DKKL1: variants seen among roughly 807,000 people sequenced by gnomAD.
The protein encoded by DKKL1 is dickkopf like acrosomal protein 1.
Under a neutral mutation model 16.5 loss-of-function variants are expected in DKKL1, and 11 were observed. That is an observed-to-expected ratio of 0.67 (90% CI 0.42 to 1.10). The LOEUF (loss-of-function observed/expected upper bound fraction) is 1.10, where lower values mean the gene tolerates loss of function less well. DKKL1 is among the 50% of genes least tolerant of loss of function. The pLI, the probability that DKKL1 is intolerant of heterozygous loss-of-function variation, is 0.00. For missense variants in DKKL1, 320 were observed against 308.1 expected, an observed-to-expected ratio of 1.04 and a Z score of -0.29; for synonymous variants, 119 against 133.2, an observed-to-expected ratio of 0.89 and a Z score of 0.73.
intron 2 of DKKL1, 60 bp from the exon 3 acceptor site, chr19:49,365,449 A>G: frequency 6.7e-7 from 1 of 1,496,638 alleles, no homozygotes; most frequent in Non-Finnish European, 8.9e-7. Flanking sequence ...GGGCTGCAGA[A>G]GGGGCTGTAC....
chr19:49,360,919 A>G (rs114161940), upstream of DKKL1, among the ~76,000 whole-genome samples: 2,108 of 87,530 alleles, frequency 0.024, 99 homozygotes, highest in African/African-American at 0.095. Flanking sequence ...CAGAGAGAGA[A>G]GGGGACAGAG....
Position 49,372,387 on chromosome 19 carries a change from C to T in DKKL1, c.418-2330C>T, listed in dbSNP as rs146372950. Among the ~76,000 whole-genome samples, 570 of 151,754 alleles carry T rather than the reference C, an allele frequency of 3.8e-3. 2 individuals are homozygous for T. The highest frequency in any genetic ancestry group is 0.014 in the Middle Eastern group (4 of 292). Reference sequence around the variant, plus strand: ...CAGCCTGGCTAACGTAGCGAAACCCCGTCTACTAAAAATACAAAATATGGG... The same window carrying T: ...CAGCCTGGCTAACGTAGCGAAACCCTGTCTACTAAAAATACAAAATATGGG... On this transcript the variant is annotated intron_variant, in intron 4 of 4. Coordinates refer to ENST00000221498, the MANE Select transcript of DKKL1 (RefSeq NM_014419.4).
chr19:49,370,092 G>A (rs1159573331), intron 4 of DKKL1: 1 of 152,220 alleles, frequency 6.6e-6, no homozygotes, highest in Non-Finnish European at 1.5e-5. Flanking sequence ...AGCAACTCAG[G>A]CAAGTGTTCA....
At chr19:49,363,662 T>C (rs2288478), upstream of DKKL1, 1 of 401,796 alleles carries the variant, frequency 2.5e-6, no homozygotes, top group Non-Finnish European at 4.7e-6. Flanking sequence ...TCAACTGACG[T>C]GGGCGTGGTC....
chr19:49,362,928 T>TGC (rs1568588671), upstream of DKKL1: 15 of 129,720 alleles, frequency 1.2e-4, no homozygotes, highest in Non-Finnish European at 2.1e-4. Context: ...TGTTTTTTGT[T>TGC]TTTTTTGTTT....
upstream of DKKL1, chr19:49,362,221 G>C (rs79421387): frequency 4.6e-5 from 7 of 152,508 alleles, no homozygotes; most frequent in South Asian, 2.1e-4. Flanking sequence ...GCTCGGTCAC[G>C]GGAGCAAATT....
intron 4 of DKKL1, among the ~76,000 whole-genome samples, chr19:49,372,540 A>C (rs1169757274): frequency 5.3e-5 from 8 of 152,026 alleles, no homozygotes; most frequent in Non-Finnish European, 2.9e-5. Flanking sequence ...AAAAATACAA[A>C]AAAATTAGCC....
At chr19:49,368,529 A>G (rs1052691243) in intron 4 of DKKL1, among the ~76,000 whole-genome samples, 5 of 151,326 alleles carry the variant, frequency 3.3e-5, no homozygotes, top group Admixed American at 3.3e-4. Flanking sequence ...TCAAGACTAC[A>G]GAAAAGTTTT....
upstream of DKKL1, among the ~76,000 whole-genome samples, chr19:49,361,052 AG>A (rs1972858723): frequency 1.7e-5 from 1 of 57,498 alleles, no homozygotes; most frequent in Non-Finnish European, 3.0e-5. Flanking sequence ...GAGACCAGAG[AG>A]GGGGACAGAG....
rs750262253 is a variant in DKKL1, at chr19:49,364,626, C to T, written c.55C>T (p.Leu19=). ...AAGGCGGCATCTGCTGGTCCTGCTG[C>T]TGCTCCTCTCTACCCTGGTGATCCC... is the stretch of plus-strand genomic sequence containing the variant. The part of the protein sequence containing the change: ...PARRHLLVLL[L]LLSTLVIPSA... Residue 19 remains leucine (L), a synonymous_variant, in exon 2 of 5, where the codon CTG becomes TTG. Transcript: ENST00000221498. 6.2e-7 allele frequency: 1 copy of T among 1,613,318 alleles called. No individual in the cohort carries two copies. Among genetic ancestry groups the T allele is most frequent in the Non-Finnish European group, 8.5e-7 (1 of 1,180,024 alleles).
rs1387054547 is a variant in DKKL1, at chr19:49,364,599, G to A, written c.28G>A (p.Ala10Thr). 6.2e-6 allele frequency: 10 copies of A among 1,611,608 alleles called. No individual in the cohort carries two copies. Among genetic ancestry groups the A allele is most frequent in the Non-Finnish European group, 8.5e-6 (10 of 1,179,500 alleles). Residue 10 changes from alanine to threonine, a missense_variant, in exon 2 of 5, where the codon GCA becomes ACA. Coordinates refer to ENST00000221498, the MANE Select transcript of DKKL1 (RefSeq NM_014419.4). Reference sequence around the variant, plus strand: ...TGCCACAGCCTCCCCACCTGCCCCCGCAAGGCGGCATCTGCTGGTCCTGCT... The same window carrying A: ...TGCCACAGCCTCCCCACCTGCCCCCACAAGGCGGCATCTGCTGGTCCTGCT... MGEASPPAP[A>T]RRHLLVLLLL...
chr19:49,373,703 C>G (rs1973601797), intron 4 of DKKL1, among the ~76,000 whole-genome samples: 1 of 152,050 alleles, frequency 6.6e-6, no homozygotes, highest in Non-Finnish European at 1.5e-5. Context: ...CTCCTGACCT[C>G]AAGTGATCTG....
rs770104942 is a variant in DKKL1, at chr19:49,374,598, G to C, written c.418-119G>C. ...AAGTGCTTTGTAAACCTCAAACAGG[G>C]CTTTTGAACCCACAAAGCATCCTGT... On this transcript the variant is annotated intron_variant, in intron 4 of 4. Transcript: ENST00000221498. 4 of 893,034 alleles carry C rather than the reference G, an allele frequency of 4.5e-6. No homozygotes were observed. The African/African-American group carries it at 6.9e-5, about 15-fold the overall frequency. The allele number at this position is 893,034 out of a possible 1,614,324, so 55.3% of individuals were successfully genotyped here. A position where few individuals can be genotyped will look rare whatever the true frequency, so the allele number is the denominator to read the frequency against.
In DKKL1 at chr19:49,364,769, G is replaced by T; in HGVS notation, c.183+15G>T. The T allele has an allele frequency of 6.2e-7, 1 of 1,609,056 alleles. No individual in the cohort carries two copies. The highest frequency in any genetic ancestry group is 1.1e-5 in the South Asian group (1 of 90,244). Reference sequence around the variant, plus strand: ...TTTTCCTGAAAGTAAGCGATGGCGGGGGGATGGGGGAAGAAGTACTGAGAA... The same window carrying T: ...TTTTCCTGAAAGTAAGCGATGGCGGTGGGATGGGGGAAGAAGTACTGAGAA... On this transcript the variant is annotated intron_variant, in intron 2 of 4. Transcript: ENST00000221498.
upstream of DKKL1, among the ~76,000 whole-genome samples, chr19:49,362,918 TG>T (rs375176569): frequency 7.0e-4 from 95 of 136,248 alleles, 1 homozygote; most frequent in Middle Eastern, 3.6e-3. Flanking sequence ...TTGGTTTTTT[TG>T]TTTTTTGTTT....
intron 2 of DKKL1, among the ~76,000 whole-genome samples, chr19:49,365,099 G>A (rs987906657): frequency 2.0e-5 from 3 of 152,146 alleles, no homozygotes; most frequent in Admixed American, 6.5e-5. Context: ...CCAGGAGGTC[G>A]AGGCTGCAGT....
At chr19:49,365,085 G>A (rs1342384724) in intron 2 of DKKL1, among the ~76,000 whole-genome samples, 1 of 152,110 alleles carries the variant, frequency 6.6e-6, no homozygotes, top group Non-Finnish European at 1.5e-5. Flanking sequence ...AGGATCCCTT[G>A]AGCCCAGGAG....
At chr19:49,372,624 G>A (rs998998979) in intron 4 of DKKL1, among the ~76,000 whole-genome samples, 2 of 151,622 alleles carry the variant, frequency 1.3e-5, no homozygotes, top group Non-Finnish European at 2.9e-5. Context: ...AACCCGGGAG[G>A]TGGAGCTTGC....
At chr19:49,374,503 CCAAA>C (rs1487728602) in intron 4 of DKKL1, among the ~76,000 whole-genome samples, 11 of 152,124 alleles carry the variant, frequency 7.2e-5, no homozygotes, top group African/African-American at 1.9e-4. Flanking sequence ...TTGAAAGCCC[CCAAA>C]CAAATTTTCC....
Sources: gnomAD v4.1 joint callset for allele counts (sites outside exome capture counted in the v4.1 genomes callset) on GRCh38, gnomAD v4.1.1 for gene constraint, MANE v1.5 for transcripts, NCBI Gene and HGNC (gene_info 2026-07-23, HGNC 2026-07-21) for gene names.